The following FYN variants were observed in gnomAD, a reference collection of about 807,000 sequenced individuals.
The protein encoded by FYN is FYN proto-oncogene, Src family tyrosine kinase, also known as tyrosine-protein kinase Fyn.
FYN carries 10 observed loss-of-function variants against 70.2 expected under a neutral mutation model. The observed-to-expected ratio is 0.14, with a 90% CI of 0.09 to 0.24. The LOEUF (loss-of-function observed/expected upper bound fraction) is 0.24. Ranked by LOEUF, FYN falls within the 10% of genes least tolerant of loss-of-function variation. FYN has a pLI of 1.00. For synonymous variants in FYN, 236 were observed against 248.6 expected (o/e 0.95, Z 0.48); for missense variants, 319 against 673.1 (o/e 0.47, Z 5.82).
chr6:111,827,862 C>T (rs1772889471), intron 2 of FYN, among the ~76,000 whole-genome samples: 1 of 152,154 alleles, frequency 6.6e-6, no homozygotes, highest in Non-Finnish European at 1.5e-5. Flanking sequence ...ACGGTGGATT[C>T]TGAAATCTGA....
intron 2 of FYN, among the ~76,000 whole-genome samples, chr6:111,827,271 T>C (rs988945236): frequency 6.6e-6 from 1 of 152,250 alleles, no homozygotes; most frequent in Non-Finnish European, 1.5e-5. Flanking sequence ...TATCATTATC[T>C]GTTCTCAGTC....
chr6:111,794,524 G>A (rs888217916), intron 2 of FYN, among the ~76,000 whole-genome samples: 18 of 152,078 alleles, frequency 1.2e-4, no homozygotes, highest in Non-Finnish European at 2.1e-4. Flanking sequence ...GGTGGGCAGC[G>A]GTCAGCAACC....
chr6:111,831,694 A>G (rs1330921383), intron 2 of FYN, among the ~76,000 whole-genome samples: 1 of 152,222 alleles, frequency 6.6e-6, no homozygotes, highest in Non-Finnish European at 1.5e-5. Context: ...CTGTTCACCT[A>G]AAGCTACGCA....
intron 3 of FYN, among the ~76,000 whole-genome samples, chr6:111,773,738 C>A (rs1803595677): frequency 2.6e-5 from 4 of 151,314 alleles, no homozygotes; most frequent in African/African-American, 9.7e-5. Flanking sequence ...CCTTCTCTCC[C>A]TCTTTTAGAA....
chr6:111,858,832 C>T (rs1053299023), intron 1 of FYN, among the ~76,000 whole-genome samples: 1 of 146,814 alleles, frequency 6.8e-6, no homozygotes, highest in Non-Finnish European at 1.5e-5. Flanking sequence ...AGAACACTTA[C>T]CTAGGATTTA....
chr6:111,719,738 T>C, intron 4 of FYN, 67 bp downstream of exon 4: 7 of 1,555,578 alleles, frequency 4.5e-6, no homozygotes, highest in South Asian at 1.2e-5. Flanking sequence ...GGAACCCAGA[T>C]GTTCAATTGC....
At chr6:111,872,750 C>A (rs1285500448) in intron 1 of FYN, among the ~76,000 whole-genome samples, 1 of 151,898 alleles carries the variant, frequency 6.6e-6, no homozygotes, top group Admixed American at 6.5e-5. Context: ...CCCATCCCCG[C>A]GCTGCCTCGG....
chr6:111,677,744 T>C (rs771517603), intron 12 of FYN, among the ~76,000 whole-genome samples: 1 of 152,202 alleles, frequency 6.6e-6, no homozygotes. Context: ...AGAATCAAAG[T>C]GGTCTTCTAA....
At chr6:111,826,172 G>A (rs764847937) in intron 2 of FYN, among the ~76,000 whole-genome samples, 5 of 152,082 alleles carry the variant, frequency 3.3e-5, no homozygotes, top group Non-Finnish European at 4.4e-5. Context: ...TGGGATTTCT[G>A]TGAGTTGCTA....
At chr6:111,728,421 A>C (rs907222309) in intron 3 of FYN, among the ~76,000 whole-genome samples, 11 of 152,184 alleles carry the variant, frequency 7.2e-5, no homozygotes, top group Non-Finnish European at 1.0e-4. Context: ...ACATTTACAA[A>C]GGAGACCATT....
chr6:111,771,945 G>C (rs1201493321), intron 3 of FYN, among the ~76,000 whole-genome samples: 1 of 152,004 alleles, frequency 6.6e-6, no homozygotes, highest in Non-Finnish European at 1.5e-5. Flanking sequence ...GGCAGGGATG[G>C]GGGGCATGGC....
chr6:111,808,757 A>C (rs1167198860), intron 2 of FYN, among the ~76,000 whole-genome samples: 1 of 152,216 alleles, frequency 6.6e-6, no homozygotes, highest in Non-Finnish European at 1.5e-5. Flanking sequence ...ACAGCAGCTA[A>C]AGGCTGTGCC....
intron 1 of FYN, among the ~76,000 whole-genome samples, chr6:111,867,150 A>C (rs538706510): frequency 3.4e-4 from 51 of 152,146 alleles, no homozygotes; most frequent in Middle Eastern, 3.4e-3. Flanking sequence ...CAATTTTTGT[A>C]ATTTGTTTGC....
intron 3 of FYN, among the ~76,000 whole-genome samples, chr6:111,733,904 A>G (rs1801581114): frequency 1.3e-5 from 2 of 152,144 alleles, no homozygotes; most frequent in African/African-American, 2.4e-5. Flanking sequence ...CCTGGGCAAC[A>G]TGGAGAAACC....
intron 3 of FYN, among the ~76,000 whole-genome samples, chr6:111,721,497 T>C (rs1394481739): frequency 6.6e-6 from 1 of 152,052 alleles, no homozygotes; most frequent in Non-Finnish European, 1.5e-5. Context: ...TGGAGCGATC[T>C]TGGCTCACTA....
intron 3 of FYN, among the ~76,000 whole-genome samples, chr6:111,765,395 A>G (rs555689258): frequency 1.3e-5 from 2 of 152,214 alleles, no homozygotes; most frequent in South Asian, 4.2e-4. Flanking sequence ...GCAGAGAGAA[A>G]AAGGCCATGT....
chr6:111,828,048 C>T (rs751542852), intron 2 of FYN, among the ~76,000 whole-genome samples: 13 of 152,276 alleles, frequency 8.5e-5, no homozygotes, highest in South Asian at 2.1e-4. Context: ...TCTAGAGTAG[C>T]GGAGGAACCC....
At chr6:111,678,823 G>A (rs962912915) in intron 12 of FYN, among the ~76,000 whole-genome samples, 1 of 152,132 alleles carries the variant, frequency 6.6e-6, no homozygotes, top group African/African-American at 2.4e-5. Flanking sequence ...CCAGCACAGG[G>A]CCTGCCTATT....
intron 3 of FYN, among the ~76,000 whole-genome samples, chr6:111,758,591 C>T (rs78674849): frequency 0.011 from 1,727 of 152,336 alleles, 24 homozygotes; most frequent in African/African-American, 0.037. Flanking sequence ...AAGTGTCCTG[C>T]TGATTGTTAG....
Sources: allele counts gnomAD v4.1 joint callset (sites outside exome capture counted in the v4.1 genomes callset), GRCh38; gene constraint gnomAD v4.1.1; transcripts MANE v1.5; gene names NCBI Gene and HGNC (gene_info 2026-07-23, HGNC 2026-07-21).